Variants in JMY observed in about 807,000 individuals in gnomAD.
The protein encoded by JMY is junction mediating and regulatory protein, p53 cofactor, also known as junction-mediating and -regulatory protein.
In JMY, 46 loss-of-function variants were observed where a neutral mutation model predicts 103.3. The ratio of observed to expected loss-of-function variants is 0.45; its 90% CI spans 0.35 to 0.57. The LOEUF (loss-of-function observed/expected upper bound fraction) is 0.57, where lower values mean the gene tolerates loss of function less well. JMY is among the 20% of genes least tolerant of loss of function. The pLI is 0.00. For missense variants in JMY, 1,238 were observed against 1,255.2 expected (o/e 0.99, Z 0.21); for synonymous variants, 526 against 489.3 (o/e 1.07, Z -0.99).
chr5:79,243,948 C>T (rs992829006), intron 1 of JMY, among the ~76,000 whole-genome samples: 8 of 151,884 alleles, frequency 5.3e-5, no homozygotes, highest in African/African-American at 1.9e-4. Context: ...CTCTGCTTGC[C>T]ACTTAACATC....
At chr5:79,290,080 A>G (rs1349872162) in intron 2 of JMY, 41 bp from the exon 3 acceptor site, 13 of 1,478,990 alleles carry the variant, frequency 8.8e-6, no homozygotes, top group Non-Finnish European at 1.2e-5. Flanking sequence ...TGAGTAGAAG[A>G]AAGACTTGAA....
intron 1 of JMY, among the ~76,000 whole-genome samples, chr5:79,245,200 G>A (rs1336871581): frequency 3.9e-5 from 6 of 152,104 alleles, no homozygotes; most frequent in Admixed American, 2.6e-4. Flanking sequence ...TTAATGATTC[G>A]GAATTTTATT....
chr5:79,250,263 C>T (rs890365345), intron 1 of JMY, among the ~76,000 whole-genome samples: 1 of 152,224 alleles, frequency 6.6e-6, no homozygotes, highest in Non-Finnish European at 1.5e-5. Flanking sequence ...CTTCAGCCTC[C>T]TGTACCCTCC....
chr5:79,290,707 G>A (rs1417175083), intron 3 of JMY, among the ~76,000 whole-genome samples: 1 of 152,168 alleles, frequency 6.6e-6, no homozygotes, highest in Non-Finnish European at 1.5e-5. Flanking sequence ...AGAAATGTCG[G>A]CCGGGCACGG....
At chr5:79,306,914 A>C (rs1746901144) in intron 7 of JMY, among the ~76,000 whole-genome samples, 1 of 152,066 alleles carries the variant, frequency 6.6e-6, no homozygotes, top group South Asian at 2.1e-4. Context: ...TTGTTCCGCT[A>C]CTCATCCCTC....
chr5:79,299,341 T>C (rs1393011538), intron 4 of JMY, among the ~76,000 whole-genome samples: 1 of 152,198 alleles, frequency 6.6e-6, no homozygotes, highest in Non-Finnish European at 1.5e-5. Flanking sequence ...TTTGGCTTCT[T>C]TTATCTGCCT....
intron 1 of JMY, among the ~76,000 whole-genome samples, chr5:79,271,505 G>T (rs1170597036): frequency 6.6e-6 from 1 of 152,078 alleles, no homozygotes; most frequent in Non-Finnish European, 1.5e-5. Context: ...ACCTATCTGG[G>T]CCTGATGCAT....
chr5:79,242,261 A>G (rs1400590940), intron 1 of JMY, among the ~76,000 whole-genome samples: 2 of 152,308 alleles, frequency 1.3e-5, no homozygotes, highest in South Asian at 4.1e-4. Context: ...AATAGGACTA[A>G]CCACTTCTGA....
At position 79,323,345 on chromosome 5, in the gene JMY, GTTCCCACACTA is replaced by G. The variant is rs1304240722; in HGVS notation, c.*1752_*1762del. On this transcript the variant is annotated 3_prime_UTR_variant, in exon 11 of 11. Transcript: ENST00000396137. ...GCATCTTCATAATACATTGGTTTTA[GTTCCCACACTA>G]TTCCCACATCTTATCTGGGAAGATT... 1 of 152,156 alleles carries G rather than the reference GTTCCCACACTA, an allele frequency of 6.6e-6. No homozygotes were observed. 9.4% of individuals were successfully genotyped at this position (152,156 alleles called of 1,614,324 possible).
chr5:79,270,539 A>G (rs1410028596), intron 1 of JMY, among the ~76,000 whole-genome samples: 1 of 112,064 alleles, frequency 8.9e-6, no homozygotes, highest in Non-Finnish European at 1.9e-5. Flanking sequence ...TTACATAAAT[A>G]TTTAAAATGT....
chr5:79,288,920 T>C (rs563531969), intron 2 of JMY, among the ~76,000 whole-genome samples: 1 of 152,060 alleles, frequency 6.6e-6, no homozygotes, highest in East Asian at 1.9e-4. Flanking sequence ...TTTATTTTCC[T>C]TTCACAGCAT....
chr5:79,296,467 T>C (rs549060838), intron 4 of JMY, among the ~76,000 whole-genome samples: 8 of 152,334 alleles, frequency 5.3e-5, no homozygotes, highest in African/African-American at 1.9e-4. Context: ...ATTCACCTTA[T>C]GCTGTCCAAG....
At chr5:79,257,462 G>C (rs1580334706) in intron 1 of JMY, among the ~76,000 whole-genome samples, 1 of 152,096 alleles carries the variant, frequency 6.6e-6, no homozygotes, top group South Asian at 2.1e-4. Context: ...AATTTGCCAG[G>C]CATGGTGATG....
At chr5:79,300,519 A>G (rs1037168415) in intron 5 of JMY, among the ~76,000 whole-genome samples, 157 bp from the exon 6 acceptor site, 1 of 152,196 alleles carries the variant, frequency 6.6e-6, no homozygotes, top group African/African-American at 2.4e-5. Flanking sequence ...CATTCACTCT[A>G]TGAGGTGTAT....
intron 1 of JMY, among the ~76,000 whole-genome samples, chr5:79,250,117 C>G (rs1463978598): frequency 1.3e-5 from 2 of 152,202 alleles, no homozygotes; most frequent in African/African-American, 4.8e-5. Context: ...GCAACTCATA[C>G]TGATGCTGGG....
intron 1 of JMY, 26 bp from the exon 2 acceptor site, chr5:79,277,884 A>C (rs895009796): frequency 6.3e-7 from 1 of 1,587,880 alleles, no homozygotes; most frequent in African/African-American, 1.3e-5. Context: ...TGATTTTCTT[A>C]GTTGTGAAAC....
Position 79,314,260 on chromosome 5 carries a change from T to C in JMY, c.2068T>C (p.Tyr690His). ...CCAATAACTTCTGGTATTTTAGAGG[T>C]ATCCTGGGCAAGTCATACTTAAATC... ...LDRLRTFKQR[Y>H]PGQVILKSTR... is the part of the protein sequence containing the mutation. The change falls in exon 9 of 11, where the codon TAT (tyrosine) becomes CAT (histidine). Residue 690 changes from tyrosine (Y) to histidine (H), a missense_variant. Coordinates refer to ENST00000396137, the MANE Select transcript of JMY (RefSeq NM_152405.5). The C allele has an allele frequency of 6.2e-7, 1 of 1,602,730 alleles. No individual in the cohort carries two copies. Among genetic ancestry groups the C allele is most frequent in the Non-Finnish European group, 8.5e-7 (1 of 1,175,324 alleles).
At chr5:79,318,755 TATATATAGAGAGAGAGAGAG>T (rs1453408365) in intron 10 of JMY, among the ~76,000 whole-genome samples, 10 of 38,560 alleles carry the variant, frequency 2.6e-4, no homozygotes, top group Non-Finnish European at 1.4e-4. Flanking sequence ...TATATATATA[TATATATAGAGAGAGAGAGAG>T]AGAGAGAGAG....
rs1353196081 is a variant in JMY at position 79,327,057 on chromosome 5, T to A, written c.*5455T>A. On this transcript the variant is annotated 3_prime_UTR_variant, in exon 11 of 11. Coordinates refer to ENST00000396137, the MANE Select transcript of JMY (RefSeq NM_152405.5). ...TGTAATTGTATTGCTTTGTATTTCATGTTTTTTACACTCATGACTTCAGAG... is the reference window on the plus strand; with the variant it reads ...TGTAATTGTATTGCTTTGTATTTCAAGTTTTTTACACTCATGACTTCAGAG... 2.0e-5 allele frequency: 3 copies of A among 152,356 alleles called. No individual in the cohort carries two copies. The East Asian group carries it at 5.8e-4, about 29-fold the overall frequency. 9.4% of individuals were successfully genotyped at this position (152,356 alleles called of 1,614,324 possible).
Sources: gnomAD v4.1 joint callset for allele counts (sites outside exome capture counted in the v4.1 genomes callset) on GRCh38, gnomAD v4.1.1 for gene constraint, MANE v1.5 for transcripts, NCBI Gene and HGNC (gene_info 2026-07-23, HGNC 2026-07-21) for gene names.